TNXB: variants seen among roughly 807,000 people sequenced by gnomAD.
TNXB encodes tenascin XB, also known as tenascin-X.
TNXB carries 183 observed loss-of-function variants against 340.5 expected under a neutral mutation model. The ratio of observed to expected loss-of-function variants is 0.54; its 90% CI spans 0.48 to 0.61. The LOEUF (loss-of-function observed/expected upper bound fraction) is 0.61. Among genes scored for constraint, TNXB ranks in the 20% least tolerant of loss-of-function variants. The pLI is 0.00. For missense variants in TNXB, 4,613 were observed against 5,446.4 expected (o/e 0.85, Z 4.82); for synonymous variants, 2,121 against 2,314.5 (o/e 0.92, Z 2.40).
Position 32,096,166 on chromosome 6 carries a change from A to G in TNXB, c.1687T>C (p.Cys563Arg). ...TCTAGGCACTGGCCGCGGCCTCGGC[A>G]GCCCCCGGGGCAGCTGCGCGTGCTG... ...DCSTRSCPGG[C>R]RGRGQCLDGR... is the part of the protein sequence containing the mutation. The change falls in exon 3 of 44, where the codon TGC becomes CGC. Residue 563 changes from cysteine to arginine, a missense_variant. Physicochemically the swap from Cys to Arg is radical, Grantham distance 180 (BLOSUM62 -3). Transcript: ENST00000644971. 1 of 1,578,630 alleles carries G rather than the reference A, an allele frequency of 6.3e-7. No individual in the cohort carries two copies. Among genetic ancestry groups the G allele is most frequent in the Non-Finnish European group, 8.6e-7 (1 of 1,164,624 alleles).
Position 32,058,340 on chromosome 6 carries a change from C to G in TNXB, c.7543G>C (p.Glu2515Gln). 6.2e-7 allele frequency: 1 copy of G among 1,611,872 alleles called. No individual in the cohort carries two copies. Among genetic ancestry groups the G allele is most frequent in the Non-Finnish European group, 8.5e-7 (1 of 1,179,726 alleles). The change falls in exon 22 of 44, where the codon GAG becomes CAG. Residue 2515 changes from glutamate (E) to glutamine (Q), a missense_variant. Physicochemically the swap from Glu to Gln is conservative, Grantham distance 29 (BLOSUM62 2). Transcript: ENST00000644971. The surrounding 1 kb of genome is among the most constrained non-coding windows in gnomAD (Gnocchi z 5.1). ...GGCTCCTCGGGGGGCCCTGGGGCCT[C>G]TGTGCCTGGTTCTGTAGGGCTGGGG... is the stretch of plus-strand genomic sequence containing the variant. ...ETPSPTEPGT[E>Q]APGPPEEPLL...
In TNXB at chr6:32,085,864, C is replaced by T. The variant is rs751045102; in HGVS notation, c.3034G>A (p.Val1012Ile). The change falls in exon 7 of 44, where the codon GTC becomes ATC. Residue 1012 changes from valine (V) to isoleucine (I), a missense_variant. Val to Ile is a conservative substitution (Grantham distance 29, BLOSUM62 3). Around this residue, in one of 7 missense-constraint regions of TNXB, gnomAD observed 4,327 missense variants for 4,859.4 expected, o/e 0.89. Transcript: ENST00000644971. This position sits in a 1 kb window ranked among gnomAD's most constrained non-coding sequence, Gnocchi z 6.4. ...GAHEEVLPGD[V>I]RQALVPPPPP... ...GGTGGAGGCACCAGAGCCTGGCGGA[C>T]GTCCCCTGGCAGCACTTCCTCATGT... 205 of 1,608,620 alleles carry T rather than the reference C, an allele frequency of 1.3e-4. No individual in the cohort carries two copies. The highest frequency in any genetic ancestry group is 1.1e-3 in the South Asian group (96 of 90,184).
In TNXB at chr6:32,052,073, CAAG is replaced by C. The variant is rs1157831652; in HGVS notation, c.9115+594_9115+596del. Among the ~76,000 whole-genome samples, 1 of 152,154 alleles carries C rather than the reference CAAG, an allele frequency of 6.6e-6. No homozygotes were observed. The highest frequency in any genetic ancestry group is 1.5e-5 in the Non-Finnish European group (1 of 68,048). ...AAGCGATTAGAATGGCGAATTATGT[CAAG>C]TGTACTTTACTACAATAAAAAACAA... is the stretch of plus-strand genomic sequence containing the variant. On this transcript the variant is annotated intron_variant, in intron 26 of 43. Coordinates refer to ENST00000644971, the MANE Select transcript of TNXB (RefSeq NM_001365276.2). This position sits in a 1 kb window ranked among gnomAD's most constrained non-coding sequence, Gnocchi z 4.7.
At chr6:32,092,772 C>T (rs757116163) in intron 4 of TNXB, among the ~76,000 whole-genome samples, 6 of 152,058 alleles carry the variant, frequency 3.9e-5, no homozygotes, top group Non-Finnish European at 7.4e-5. Context: ...CAGGGACCAG[C>T]TACAGACAGC....
chr6:32,088,787 G>T lies in TNXB; in HGVS notation c.2777C>A (p.Thr926Lys). The T allele has an allele frequency of 6.4e-7, 1 of 1,569,928 alleles. No homozygotes were observed. Residue 926 changes from threonine to lysine, a missense_variant and splice_region_variant, in exon 6 of 44, where the codon ACA (threonine) becomes AAA (lysine). Coordinates refer to ENST00000644971, the MANE Select transcript of TNXB (RefSeq NM_001365276.2). Reference sequence around the variant, plus strand: ...CCCTAACCTCTGGCCAGCCATACCTGTGTTGGCCCTGACAGAAGCTGGGTA... The same window carrying T: ...CCCTAACCTCTGGCCAGCCATACCTTTGTTGGCCCTGACAGAAGCTGGGTA... Reference protein sequence around the residue: ...VSYPASVRANTGSSPLGLLGT... With the variant: ...VSYPASVRANKGSSPLGLLGT...
Position 32,095,189 on chromosome 6 carries a change from CCT to C in TNXB, c.2243_2244del (p.Glu748GlyfsTer5). ...DGYAGEDCGE[E>X]VPTIEGMRMH... is the part of the protein sequence containing the mutation. ...ATCCTCATGCCCTCAATGGTTGGCA[CCT>C]CTGCCCAAGAGAATGGGTTAGGGAA... On this transcript the variant is annotated frameshift_variant and splice_region_variant, in exon 4 of 44. Transcript: ENST00000644971. LOFTEE classifies it high-confidence loss of function. 2 of 1,549,302 alleles carry C rather than the reference CCT, an allele frequency of 1.3e-6. No homozygotes were observed. Among genetic ancestry groups the C allele is most frequent in the Non-Finnish European group, 1.7e-6 (2 of 1,145,924 alleles).
At chr6:32,066,795 C>T (rs547750369) in intron 18 of TNXB, among the ~76,000 whole-genome samples, 9 of 152,206 alleles carry the variant, frequency 5.9e-5, no homozygotes, top group East Asian at 3.9e-4. Flanking sequence ...ACATTCAGGC[C>T]GGGTGTGGCG....
chr6:32,080,021 A>G lies in TNXB; in HGVS notation c.4043-656T>C, dbSNP rs1326844140. Among the ~76,000 whole-genome samples, 2 of 152,170 alleles carry G rather than the reference A, an allele frequency of 1.3e-5. No homozygotes were observed. The highest frequency in any genetic ancestry group is 6.5e-5 in the Admixed American group (1 of 15,282). On this transcript the variant is annotated intron_variant, in intron 10 of 43. Transcript: ENST00000644971. The surrounding 1 kb of genome is among the most constrained non-coding windows in gnomAD (Gnocchi z 4.3). ...AACCAGCCCTTCTGTGACCTGCTACATGGGGGACTACTTTGGGATAGCAGA... is the reference window on the plus strand; with the variant it reads ...AACCAGCCCTTCTGTGACCTGCTACGTGGGGGACTACTTTGGGATAGCAGA...
In TNXB at chr6:32,081,846, G is replaced by A. The variant is rs570915989; in HGVS notation, c.3737-173C>T. ...GGGTATGACACACCTTCTGGGCCAC[G>A]GGGAGCTGCTGCTTGGGATGGAAGG... On this transcript the variant is annotated intron_variant, in intron 9 of 43. Transcript: ENST00000644971. This position sits in a 1 kb window ranked among gnomAD's most constrained non-coding sequence, Gnocchi z 5.1. Among the ~76,000 whole-genome samples, 313 of 152,248 alleles carry A rather than the reference G, an allele frequency of 2.1e-3. No homozygotes were observed. The highest frequency in any genetic ancestry group is 7.0e-3 in the African/African-American group (292 of 41,540).
chr6:32,057,192 C>T (rs891489033), intron 22 of TNXB, among the ~76,000 whole-genome samples: 1 of 152,116 alleles, frequency 6.6e-6, no homozygotes, highest in Admixed American at 6.5e-5. Context: ...GCCTCTGCAC[C>T]CCTGGCCTCC....
In TNXB at chr6:32,073,548, T is replaced by G; in HGVS notation, c.4681+99A>C. On this transcript the variant is annotated intron_variant, in intron 12 of 43. Transcript: ENST00000644971. The surrounding 1 kb of genome is among the most constrained non-coding windows in gnomAD (Gnocchi z 4.6). ...GGCCTGAGGGGATCTAGCCCCTCAG[T>G]GAGGGTGCGGTGGTACCAAGGCAGG... The G allele has an allele frequency of 9.1e-7, 1 of 1,104,764 alleles. No individual in the cohort carries two copies. Among genetic ancestry groups the G allele is most frequent in the Non-Finnish European group, 1.3e-6 (1 of 775,272 alleles). 68.4% of individuals were successfully genotyped at this position (1,104,764 alleles called of 1,614,324 possible).
Position 32,056,868 on chromosome 6 carries a change from T to C in TNXB, c.7861A>G (p.Met2621Val). 2 of 1,612,656 alleles carry C rather than the reference T, an allele frequency of 1.2e-6. No homozygotes were observed. Among genetic ancestry groups the C allele is most frequent in the South Asian group, 1.1e-5 (1 of 91,052 alleles). The change falls in exon 23 of 44, where the codon ATG (methionine) becomes GTG (valine). Residue 2621 changes from methionine (M) to valine (V), a missense_variant. By Grantham distance (21) the Met-to-Val change is conservative. Transcript: ENST00000644971. ...GGCTTGATGGGGGGCTCAGGGGTCATGGTAGGCACTGCTTGGGTGGTCTCG... is the reference window on the plus strand; with the variant it reads ...GGCTTGATGGGGGGCTCAGGGGTCACGGTAGGCACTGCTTGGGTGGTCTCG... ...EAETTQAVPT[M>V]TPEPPIKPRL...
chr6:32,048,065 G>A lies in TNXB; in HGVS notation c.10046-53C>T, dbSNP rs558530397. The A allele has an allele frequency of 2.2e-5, 34 of 1,566,634 alleles. No individual in the cohort carries two copies. The East Asian group carries it at 6.3e-4, about 29-fold the overall frequency. On this transcript the variant is annotated intron_variant, in intron 29 of 43. Coordinates refer to ENST00000644971, the MANE Select transcript of TNXB (RefSeq NM_001365276.2). ...AGTGGGATGGAGGCAAAGGGGCCAC[G>A]GAGCTTCCTGGGCTGCTATGGCTCT...
rs1301519563 is a variant in TNXB at position 32,079,120 on chromosome 6, G to A, written c.4288C>T (p.Leu1430=). 1 of 1,613,708 alleles carries A rather than the reference G, an allele frequency of 6.2e-7. No individual in the cohort carries two copies. The highest frequency in any genetic ancestry group is 1.3e-5 in the African/African-American group (1 of 74,938). ...ATCTTGTACTTGTGCCCGGGCTCTA[G>A]GCCTCCCACGGTGACCTCACTCTCC... ...GKESEVTVGG[L]EPGHKYKMHL... is the part of the protein sequence containing the mutation. Residue 1430 remains leucine, a synonymous_variant, in exon 11 of 44, where the codon CTA becomes TTA. Coordinates refer to ENST00000644971, the MANE Select transcript of TNXB (RefSeq NM_001365276.2). The surrounding 1 kb of genome is among the most constrained non-coding windows in gnomAD (Gnocchi z 7.1).
chr6:32,056,137 G>A lies in TNXB; in HGVS notation c.8181C>T (p.Ser2727=). 6.2e-7 allele frequency: 1 copy of A among 1,612,494 alleles called. No homozygotes were observed. Residue 2727 remains serine, a synonymous_variant, in exon 24 of 44, where the codon AGC becomes AGT. Transcript: ENST00000644971. ...EEETPSPTEL[S]TEAPEPPEEP... The stretch of plus-strand genomic sequence containing the variant: ...CCTCAGGGGGCTCCGGGGCCTCAGT[G>A]CTGAGTTCCGTGGGGCTGGGGGTCT...
In TNXB at chr6:32,068,755, C is replaced by T. The variant is rs777352189; in HGVS notation, c.5903-48G>A. 1.4e-5 allele frequency: 22 copies of T among 1,596,614 alleles called. No homozygotes were observed. The highest frequency in any genetic ancestry group is 6.7e-5 in the African/African-American group (5 of 74,594). Reference sequence around the variant, plus strand: ...AGGACTGAGGTGGGCAGGGTATCCGCGGGACTCTGCTGTCCTCTGGACTCT... The same window carrying T: ...AGGACTGAGGTGGGCAGGGTATCCGTGGGACTCTGCTGTCCTCTGGACTCT... On this transcript the variant is annotated intron_variant, in intron 16 of 43. Transcript: ENST00000644971. The surrounding 1 kb of genome is among the most constrained non-coding windows in gnomAD (Gnocchi z 5.3).
rs983239647 is a variant in TNXB, at chr6:32,080,792, C to G, written c.4042+576G>C. On this transcript the variant is annotated intron_variant, in intron 10 of 43. Coordinates refer to ENST00000644971, the MANE Select transcript of TNXB (RefSeq NM_001365276.2). The surrounding 1 kb of genome is among the most constrained non-coding windows in gnomAD (Gnocchi z 4.3). ...AAGGCTGGGGACATGGAGGAACAGGCTGGGATGCTGGGCTGAACACAATCC... is the reference window on the plus strand; with the variant it reads ...AAGGCTGGGGACATGGAGGAACAGGGTGGGATGCTGGGCTGAACACAATCC... Among the ~76,000 whole-genome samples the G allele has an allele frequency of 6.6e-6, 1 of 152,154 alleles. No homozygotes were observed. Among genetic ancestry groups the G allele is most frequent in the African/African-American group, 2.4e-5 (1 of 41,440 alleles).
chr6:32,076,819 T>C lies in TNXB; in HGVS notation c.4375+2214A>G, dbSNP rs1446124091. 4.6e-5 allele frequency among the ~76,000 whole-genome samples: 7 copies of C among 152,064 alleles called. No individual in the cohort carries two copies. In the East Asian group the frequency reaches 1.2e-3, roughly 25 times the overall value. On this transcript the variant is annotated intron_variant, in intron 11 of 43. Transcript: ENST00000644971. ...TAACATGGTGAAACCCTGTCTCTAC[T>C]AAAAATACAAAAATTAGCCGGGTGT... is the stretch of plus-strand genomic sequence containing the variant.
rs775659989 is a variant in TNXB at position 32,067,802 on chromosome 6, G to A, written c.6403C>T (p.Arg2135Trp). The change falls in exon 18 of 44, where the codon CGG becomes TGG. Residue 2135 changes from arginine to tryptophan, a missense_variant. Physicochemically the swap from Arg to Trp is moderately radical, Grantham distance 101. Transcript: ENST00000644971. The surrounding 1 kb of genome is among the most constrained non-coding windows in gnomAD (Gnocchi z 4.2). Reference sequence around the variant, plus strand: ...CCCCCAACACGCACCACCTGGGGCCGCCCGTCCCTGTCCTTGTACTGCACG... The same window carrying A: ...CCCCCAACACGCACCACCTGGGGCCACCCGTCCCTGTCCTTGTACTGCACG... The part of the protein sequence containing the change: ...FTVQYKDRDG[R>W]PQVVRVGGEE... 6 of 1,613,356 alleles carry A rather than the reference G, an allele frequency of 3.7e-6. No homozygotes were observed. The highest frequency in any genetic ancestry group is 2.7e-5 in the African/African-American group (2 of 74,998).
Sources: allele counts gnomAD v4.1 joint callset (sites outside exome capture counted in the v4.1 genomes callset), GRCh38; gene constraint gnomAD v4.1.1; regional missense constraint gnomAD v4.1.1; non-coding constraint Gnocchi (gnomAD v3.1); transcripts MANE v1.5; gene names NCBI Gene and HGNC (gene_info 2026-07-23, HGNC 2026-07-21).